CSMD2: variants seen among roughly 807,000 people sequenced by gnomAD.
The protein encoded by CSMD2 is CUB and Sushi multiple domains 2, also known as CUB and sushi domain-containing protein 2.
In CSMD2, 130 loss-of-function variants were observed where a neutral mutation model predicts 398.5. That is an observed-to-expected ratio of 0.33 (90% CI 0.28 to 0.38). CSMD2 has a LOEUF of 0.38. Among genes scored for constraint, CSMD2 ranks in the 10% least tolerant of loss-of-function variants. CSMD2 has a pLI of 1.00. For missense variants in CSMD2, 3,829 were observed against 4,764.9 expected, an observed-to-expected ratio of 0.80 and a Z score of 5.78; for synonymous variants, 1,828 against 1,908.5, an observed-to-expected ratio of 0.96 and a Z score of 1.10.
chr1:34,083,746 G>C (rs1657530988), intron 2 of CSMD2, among the ~76,000 whole-genome samples: 1 of 152,088 alleles, frequency 6.6e-6, no homozygotes, highest in Non-Finnish European at 1.5e-5. Flanking sequence ...GTGAAACCCT[G>C]TCTCTACAGA....
chr1:34,019,725 C>T (rs375957755), intron 3 of CSMD2, among the ~76,000 whole-genome samples: 52 of 152,290 alleles, frequency 3.4e-4, no homozygotes, highest in Non-Finnish European at 6.6e-4. Context: ...GACCCTTCAG[C>T]GATGGTCCCC....
intron 5 of CSMD2, among the ~76,000 whole-genome samples, chr1:33,896,973 G>A (rs1407879542): frequency 1.3e-5 from 2 of 152,052 alleles, no homozygotes; most frequent in African/African-American, 4.8e-5. Context: ...ATAAGAGGGA[G>A]GGTAGGAGAA....
At position 33,792,525 on chromosome 1, in the gene CSMD2, A is replaced by G. The variant is rs1654451425; in HGVS notation, c.1448T>C (p.Val483Ala). Residue 483 changes from valine to alanine, a missense_variant and splice_region_variant, in exon 11 of 71, where the codon GTG becomes GCG. By Grantham distance (64) the Val-to-Ala change is moderately conservative. Around this residue, in one of 5 missense-constraint regions of CSMD2, gnomAD observed 2,001 missense variants for 2,567.1 expected, o/e 0.78. Coordinates refer to ENST00000373381, the MANE Select transcript of CSMD2 (RefSeq NM_001281956.2). The part of the protein sequence containing the change: ...WIITALNPSK[V>A]IKLAFEEFDL... ...AAACTCCTCAAAGGCGAGCTTGATC[A>G]CCTAGGGAGGGAACACAGGGTTAGG... 1 of 1,609,156 alleles carries G rather than the reference A, an allele frequency of 6.2e-7. No individual in the cohort carries two copies. The highest frequency in any genetic ancestry group is 1.7e-4 in the Middle Eastern group (1 of 6,050).
chr1:33,754,785 G>T (rs567326134), intron 13 of CSMD2, among the ~76,000 whole-genome samples: 2 of 152,166 alleles, frequency 1.3e-5, no homozygotes, highest in East Asian at 3.9e-4. Flanking sequence ...GTTTTTTGAT[G>T]GGAGAAAGGA....
rs76504436 is a variant in CSMD2 at position 34,038,964 on chromosome 1, C to T, written c.405-6258G>A. 6.4e-4 allele frequency among the ~76,000 whole-genome samples: 98 copies of T among 152,312 alleles called. 1 individual carries two copies. Among genetic ancestry groups the T allele is most frequent in the African/African-American group, 2.2e-3 (90 of 41,564 alleles). Reference sequence around the variant, plus strand: ...ATGCCCCATCTTCAGGGTCTTTGCACGCACTGTCTCCCATTTAGAACACTT... The same window carrying T: ...ATGCCCCATCTTCAGGGTCTTTGCATGCACTGTCTCCCATTTAGAACACTT... On this transcript the variant is annotated intron_variant, in intron 2 of 70. Transcript: ENST00000373381.
intron 68 of CSMD2, among the ~76,000 whole-genome samples, chr1:33,520,882 G>A (rs1019891164): frequency 6.6e-6 from 1 of 152,194 alleles, no homozygotes; most frequent in Non-Finnish European, 1.5e-5. Context: ...CCCCACCAGA[G>A]TCTGAGGCTG....
intron 10 of CSMD2, among the ~76,000 whole-genome samples, chr1:33,793,649 T>G (rs1356714915): frequency 6.6e-6 from 1 of 151,986 alleles, no homozygotes; most frequent in Non-Finnish European, 1.5e-5. Context: ...GCATAGGTGT[T>G]TGAGAAAATG....
At chr1:33,683,633 C>T (rs896626144) in intron 25 of CSMD2, among the ~76,000 whole-genome samples, 2 of 152,174 alleles carry the variant, frequency 1.3e-5, no homozygotes, top group African/African-American at 4.8e-5. Context: ...GTTAGATTAT[C>T]GTATGAGGAT....
chr1:33,876,400 T>C (rs1640843570), intron 5 of CSMD2, among the ~76,000 whole-genome samples: 1 of 152,182 alleles, frequency 6.6e-6, no homozygotes, highest in Non-Finnish European at 1.5e-5. Context: ...CACTTTATTC[T>C]TATGTATAAT....
intron 13 of CSMD2, among the ~76,000 whole-genome samples, chr1:33,744,085 T>C (rs1379456497): frequency 1.3e-5 from 2 of 152,158 alleles, no homozygotes; most frequent in Non-Finnish European, 2.9e-5. Context: ...AGATTGGATG[T>C]GTCTGGATGT....
intron 1 of CSMD2, among the ~76,000 whole-genome samples, chr1:34,158,389 C>T (rs1172932879): frequency 6.6e-6 from 1 of 152,158 alleles, no homozygotes. Flanking sequence ...AGGAGGGGTG[C>T]AAGGCCATAT....
intron 25 of CSMD2, among the ~76,000 whole-genome samples, chr1:33,675,363 A>G (rs1644671389): frequency 6.6e-6 from 1 of 152,236 alleles, no homozygotes; most frequent in Non-Finnish European, 1.5e-5. Context: ...ATCTAGAAAA[A>G]ATGGATAAAT....
At chr1:34,118,528 T>C (rs1661834303) in intron 1 of CSMD2, among the ~76,000 whole-genome samples, 1 of 152,188 alleles carries the variant, frequency 6.6e-6, no homozygotes, top group Admixed American at 6.5e-5. Context: ...TACAAAACTG[T>C]TAGAACTAAT....
At chr1:34,057,196 C>G (rs1413217856) in intron 2 of CSMD2, among the ~76,000 whole-genome samples, 1 of 152,140 alleles carries the variant, frequency 6.6e-6, no homozygotes, top group African/African-American at 2.4e-5. Flanking sequence ...GTCCCTTGAG[C>G]ACCACAGCCT....
chr1:33,705,949 C>A (rs1310365936), intron 22 of CSMD2, among the ~76,000 whole-genome samples: 22 of 148,184 alleles, frequency 1.5e-4, no homozygotes, highest in Admixed American at 4.1e-4. Context: ...AAAAAAAAAA[C>A]AGTTGGTTTG....
intron 28 of CSMD2, among the ~76,000 whole-genome samples, chr1:33,651,315 C>G (rs756707561): frequency 2.0e-5 from 3 of 152,184 alleles, no homozygotes; most frequent in Non-Finnish European, 2.9e-5. Flanking sequence ...GCCGTGAGAG[C>G]AGGTGTCAAT....
intron 3 of CSMD2, among the ~76,000 whole-genome samples, chr1:33,946,490 T>C (rs1418844807): frequency 2.6e-5 from 4 of 152,350 alleles, no homozygotes; most frequent in Non-Finnish European, 5.9e-5. Context: ...CTATGACCCA[T>C]TGGCTAGTAA....
At chr1:34,047,018 C>A (rs567299358) in intron 2 of CSMD2, among the ~76,000 whole-genome samples, 17 of 152,264 alleles carry the variant, frequency 1.1e-4, no homozygotes, top group African/African-American at 3.6e-4. Context: ...AACACAGCAG[C>A]TTCTGTGATC....
At chr1:34,115,663 T>C (rs963143151) in intron 1 of CSMD2, among the ~76,000 whole-genome samples, 46 of 152,044 alleles carry the variant, frequency 3.0e-4, no homozygotes, top group African/African-American at 1.1e-3. Context: ...AAAATAAATA[T>C]ATAGACAAAT....
Sources: allele counts gnomAD v4.1 joint callset (sites outside exome capture counted in the v4.1 genomes callset), GRCh38; gene constraint gnomAD v4.1.1; regional missense constraint gnomAD v4.1.1; transcripts MANE v1.5; gene names NCBI Gene and HGNC (gene_info 2026-07-23, HGNC 2026-07-21).